ZNF202: variants seen among roughly 807,000 people sequenced by gnomAD.
ZNF202 encodes zinc finger protein 202.
Under a neutral mutation model 54.5 loss-of-function variants are expected in ZNF202, and 22 were observed. The observed-to-expected ratio is 0.40, with a 90% CI of 0.29 to 0.58. ZNF202 has a LOEUF of 0.58. Among genes scored for constraint, ZNF202 ranks in the 20% least tolerant of loss-of-function variants. ZNF202 has a pLI of 0.39. For synonymous variants in ZNF202, 294 were observed against 301.4 expected (o/e 0.98, Z 0.26); for missense variants, 644 against 805.5 (o/e 0.80, Z 2.43).
chr11:123,737,530 T>C (rs559354805), intron 3 of ZNF202, among the ~76,000 whole-genome samples: 3 of 152,270 alleles, frequency 2.0e-5, no homozygotes, highest in East Asian at 3.9e-4. Context: ...GTCAAGTATG[T>C]AGTGGATAGT....
chr11:123,727,134 T>C (rs1861187656), intron 8 of ZNF202, 143 bp from the exon 9 acceptor site: 1 of 1,103,196 alleles, frequency 9.1e-7, no homozygotes, highest in African/African-American at 1.6e-5. Context: ...CTCATATTGT[T>C]ATGCTATCAA....
In ZNF202 at chr11:123,726,473, G is replaced by A. The variant is rs186563474; in HGVS notation, c.1471C>T (p.Arg491Cys). The change falls in exon 9 of 9, where the codon CGC (arginine) becomes TGC (cysteine). Residue 491 changes from arginine (R) to cysteine (C), a missense_variant. By Grantham distance (180) the Arg-to-Cys change is radical. Coordinates refer to ENST00000530393, the MANE Select transcript of ZNF202 (RefSeq NM_003455.4). This position sits in a 1 kb window ranked among gnomAD's most constrained non-coding sequence, Gnocchi z 6.0. ...TGTCTGACAAGGTCTGAAGTCCAGC[G>A]GAAGTGCTTTCCGCAATCATCACAT... is the stretch of plus-strand genomic sequence containing the variant. ...YRCDDCGKHF[R>C]WTSDLVRHQR... The A allele has an allele frequency of 7.4e-6, 12 of 1,614,234 alleles. No homozygotes were observed. Among genetic ancestry groups the A allele is most frequent in the African/African-American group, 5.3e-5 (4 of 75,064 alleles).
At chr11:123,737,482 G>T (rs1861680688) in intron 3 of ZNF202, among the ~76,000 whole-genome samples, 1 of 151,948 alleles carries the variant, frequency 6.6e-6, no homozygotes, top group Non-Finnish European at 1.5e-5. Context: ...AAGACAATAA[G>T]GTATAGAGAA....
intron 8 of ZNF202, 149 bp downstream of exon 8, chr11:123,727,327 G>A (rs776531658): frequency 1.4e-5 from 16 of 1,116,908 alleles, no homozygotes; most frequent in Non-Finnish European, 1.9e-5. Context: ...GGAGGGCAAT[G>A]ACAGAAGAAA....
chr11:123,728,395 C>T, intron 6 of ZNF202, 133 bp from the exon 7 acceptor site: 3 of 1,203,328 alleles, frequency 2.5e-6, no homozygotes, highest in Non-Finnish European at 3.2e-6. Context: ...TGCTTAAACT[C>T]ATTCTCGGGG....
Position 123,729,170 on chromosome 11 carries a change from A to G in ZNF202, c.658T>C (p.Ser220Pro). 5 of 1,613,980 alleles carry G rather than the reference A, an allele frequency of 3.1e-6. No individual in the cohort carries two copies. Among genetic ancestry groups the G allele is most frequent in the Non-Finnish European group, 4.2e-6 (5 of 1,180,014 alleles). Residue 220 changes from serine to proline, a missense_variant, in exon 6 of 9, where the codon TCT (serine) becomes CCT (proline). Transcript: ENST00000530393. ...AGAGCAACCATCTCTGAGTCTCCAG[A>G]GCTCCTCTCTGCAGGAAGGTCTGGG... is the stretch of plus-strand genomic sequence containing the variant. ...EDPDLPAERS[S>P]GDSEMVALLT... is the part of the protein sequence containing the mutation.
intron 3 of ZNF202, among the ~76,000 whole-genome samples, chr11:123,733,348 T>C (rs1026801128): frequency 6.6e-6 from 1 of 152,222 alleles, no homozygotes; most frequent in African/African-American, 2.4e-5. Context: ...CAGTCTATCT[T>C]GGATAGCTCC....
At chr11:123,737,121 G>A (rs1861663511) in intron 3 of ZNF202, among the ~76,000 whole-genome samples, 1 of 151,986 alleles carries the variant, frequency 6.6e-6, no homozygotes, top group African/African-American at 2.4e-5. Context: ...CAGATGAGAA[G>A]GAACCTTAGA....
At position 123,730,831 on chromosome 11, in the gene ZNF202, T is replaced by A; in HGVS notation, c.58A>T (p.Met20Leu). ...QDLWEEEGIL[M>L]VKLEDDFTCR... ...GTGAAATCATCTTCCAGTTTCACCA[T>A]CAGAATTCCCTCTTCTTCCCAAAGA... The change falls in exon 4 of 9, where the codon ATG (methionine) becomes TTG (leucine). Residue 20 changes from methionine (M) to leucine (L), a missense_variant. Coordinates refer to ENST00000530393, the MANE Select transcript of ZNF202 (RefSeq NM_003455.4). The surrounding 1 kb of genome is among the most constrained non-coding windows in gnomAD (Gnocchi z 6.0). 2 of 1,614,182 alleles carry A rather than the reference T, an allele frequency of 1.2e-6. No homozygotes were observed. Among genetic ancestry groups the A allele is most frequent in the Non-Finnish European group, 1.7e-6 (2 of 1,180,038 alleles).
intron 3 of ZNF202, among the ~76,000 whole-genome samples, chr11:123,735,954 G>C (rs1001569461): frequency 1.2e-4 from 19 of 152,310 alleles, no homozygotes; most frequent in African/African-American, 4.3e-4. Context: ...ATACAATAGA[G>C]AGAATATGAA....
intron 3 of ZNF202, chr11:123,738,722 CAA>C (rs1191514405): frequency 6.6e-6 from 1 of 152,224 alleles, no homozygotes; most frequent in Admixed American, 6.5e-5. Context: ...GCAGTAAATT[CAA>C]AAGTCATTTA....
At chr11:123,733,031 A>G (rs943767130) in intron 3 of ZNF202, among the ~76,000 whole-genome samples, 1 of 152,188 alleles carries the variant, frequency 6.6e-6, no homozygotes, top group Non-Finnish European at 1.5e-5. Flanking sequence ...GCACGGATAC[A>G]TTGGAGAGAT....
At chr11:123,729,870 G>C (rs768620000) in intron 4 of ZNF202, 45 bp from the exon 5 acceptor site, 5 of 1,542,566 alleles carry the variant, frequency 3.2e-6, no homozygotes, top group Admixed American at 2.0e-5. Context: ...TCAGGAGGAA[G>C]TTCTTGGTTG....
chr11:123,726,153 T>C lies in ZNF202; in HGVS notation c.1791A>G (p.Glu597=), dbSNP rs1861122173. 6.2e-7 allele frequency: 1 copy of C among 1,614,084 alleles called. No individual in the cohort carries two copies. The highest frequency in any genetic ancestry group is 1.3e-5 in the African/African-American group (1 of 74,924). ...HASVRPCRCN[E]CGKSFSRRDH... ...CCCTGCGACTGAAGCTCTTCCCACATTCGTTGCATCGGCAGGGCCTCACTG... is the reference window on the plus strand; with the variant it reads ...CCCTGCGACTGAAGCTCTTCCCACACTCGTTGCATCGGCAGGGCCTCACTG... The change falls in exon 9 of 9, where the codon GAA becomes GAG. Residue 597 remains glutamate, a synonymous_variant. Coordinates refer to ENST00000530393, the MANE Select transcript of ZNF202 (RefSeq NM_003455.4). The surrounding 1 kb of genome is among the most constrained non-coding windows in gnomAD (Gnocchi z 6.0).
At position 123,726,760 on chromosome 11, in the gene ZNF202, C is replaced by T. The variant is rs1861160978; in HGVS notation, c.1184G>A (p.Arg395Lys). 1.9e-6 allele frequency: 3 copies of T among 1,614,112 alleles called. No homozygotes were observed. The highest frequency in any genetic ancestry group is 1.1e-5 in the South Asian group (1 of 91,086). Residue 395 changes from arginine to lysine, a missense_variant, in exon 9 of 9, where the codon AGG becomes AAG. Arg to Lys is a conservative substitution (Grantham distance 26, BLOSUM62 2). Coordinates refer to ENST00000530393, the MANE Select transcript of ZNF202 (RefSeq NM_003455.4). The surrounding 1 kb of genome is among the most constrained non-coding windows in gnomAD (Gnocchi z 6.0). ...ETTPVHPLLG[R>K]HHDCSVCGKS... ...TCCACACACAGAACAGTCATGATGC[C>T]TCCCTAACAGGGGGTGGACGGGTGT...
intron 1 of ZNF202, among the ~76,000 whole-genome samples, chr11:123,740,968 G>A (rs952217917): frequency 1.3e-5 from 2 of 151,892 alleles, no homozygotes; most frequent in African/African-American, 4.8e-5. Context: ...AGTGGCAGCT[G>A]AAAAGCCTCT....
intron 3 of ZNF202, among the ~76,000 whole-genome samples, chr11:123,735,478 A>G (rs1453418664): frequency 6.6e-6 from 1 of 152,212 alleles, no homozygotes; most frequent in Non-Finnish European, 1.5e-5. Flanking sequence ...GCCTAGGAAG[A>G]TGAAGGAAAA....
chr11:123,734,662 A>G (rs1861556470), intron 3 of ZNF202, among the ~76,000 whole-genome samples: 2 of 152,152 alleles, frequency 1.3e-5, no homozygotes, highest in Admixed American at 1.3e-4. Context: ...TGTTGAACTC[A>G]CTGGACTGTA....
rs757523062 is a variant in ZNF202 at position 123,726,817 on chromosome 11, T to G, written c.1127A>C (p.Gln376Pro). 5 of 1,614,108 alleles carry G rather than the reference T, an allele frequency of 3.1e-6. No homozygotes were observed. The African/African-American group carries it at 6.7e-5, about 22-fold the overall frequency. The part of the protein sequence containing the change: ...NERRFGTNIS[Q>P]VNSFVNLRET... ...CCGAAGGTTCACAAAACTATTCACT[T>G]GAGAAATATTAGTACCAAATCTTCT... The change falls in exon 9 of 9, where the codon CAA becomes CCA. Residue 376 changes from glutamine to proline, a missense_variant. Physicochemically the swap from Gln to Pro is moderately conservative, Grantham distance 76 (BLOSUM62 -1). Coordinates refer to ENST00000530393, the MANE Select transcript of ZNF202 (RefSeq NM_003455.4). This position sits in a 1 kb window ranked among gnomAD's most constrained non-coding sequence, Gnocchi z 6.0.
Sources: gnomAD v4.1 joint callset for allele counts (sites outside exome capture counted in the v4.1 genomes callset) on GRCh38, gnomAD v4.1.1 for gene constraint, Gnocchi (gnomAD v3.1) non-coding constraint, MANE v1.5 for transcripts, NCBI Gene and HGNC (gene_info 2026-07-23, HGNC 2026-07-21) for gene names.